PELI1: variants seen among roughly 807,000 people sequenced by gnomAD.
The protein encoded by PELI1 is pellino E3 ubiquitin protein ligase 1, also known as E3 ubiquitin-protein ligase pellino homolog 1.
Under a neutral mutation model 41.3 loss-of-function variants are expected in PELI1, and 15 were observed. The ratio of observed to expected loss-of-function variants is 0.36; its 90% confidence interval spans 0.24 to 0.56. The LOEUF (loss-of-function observed/expected upper bound fraction) is 0.56. PELI1 is among the 20% of genes least tolerant of loss of function. The pLI is 0.82. For missense variants in PELI1, 403 were observed against 525.5 expected (o/e 0.77, Z 2.28); for synonymous variants, 178 against 180.1 (o/e 0.99, Z 0.09).
rs1166247215 is a variant in PELI1 at position 64,094,710 on chromosome 2, G to A, written c.1249C>T (p.Leu417=). The change falls in exon 7 of 7, where the codon CTA becomes TTA. Residue 417 remains leucine, a synonymous_variant. Transcript: ENST00000358912. The part of the protein sequence containing the change: ...GYIRLIFQGP[L]D The stretch of plus-strand genomic sequence containing the variant: ...TGCAAGACAATGGTCTGTTAGTCTA[G>A]AGGTCCTTGAAAAATAAGTCTGATG... 1 of 1,611,540 alleles carries A rather than the reference G, an allele frequency of 6.2e-7. No individual in the cohort carries two copies. The highest frequency in any genetic ancestry group is 1.3e-5 in the African/African-American group (1 of 74,882).
chr2:64,130,506 T>C (rs1353184473), intron 1 of PELI1, among the ~76,000 whole-genome samples: 1 of 152,250 alleles, frequency 6.6e-6, no homozygotes, highest in East Asian at 1.9e-4. Context: ...ATAGTTTATC[T>C]GCAATTCTTT....
At chr2:64,132,120 A>C (rs1055630021) in intron 1 of PELI1, among the ~76,000 whole-genome samples, 2 of 152,190 alleles carry the variant, frequency 1.3e-5, no homozygotes, top group African/African-American at 4.8e-5. Flanking sequence ...CACTAGACCA[A>C]GTCAGGATGC....
intron 1 of PELI1, among the ~76,000 whole-genome samples, chr2:64,110,791 G>T (rs1680785384): frequency 6.6e-6 from 1 of 152,204 alleles, no homozygotes; most frequent in East Asian, 1.9e-4. Context: ...GCAGGGCGTG[G>T]TGGCACGTGC....
In PELI1 at chr2:64,095,237, C is replaced by A; in HGVS notation, c.722G>T (p.Gly241Val). ...TGCACCACAGAGGTCAATTAACGAG[C>A]CATCTTGTAACTGATTGGTTTCAAT... The part of the protein sequence containing the change: ...VEIETNQLQD[G>V]SLIDLCGATL... The change falls in exon 7 of 7, where the codon GGC becomes GTC. Residue 241 changes from glycine (G) to valine (V), a missense_variant. Transcript: ENST00000358912. 1 of 1,613,864 alleles carries A rather than the reference C, an allele frequency of 6.2e-7. No homozygotes were observed. The highest frequency in any genetic ancestry group is 8.5e-7 in the Non-Finnish European group (1 of 1,179,850).
chr2:64,131,434 T>C (rs547800728), intron 1 of PELI1, among the ~76,000 whole-genome samples: 22 of 152,198 alleles, frequency 1.4e-4, no homozygotes, highest in African/African-American at 4.6e-4. Flanking sequence ...CTGTACTTTT[T>C]AGTTGTATTT....
rs774199428 is a variant in PELI1, at chr2:64,095,128, T to G, written c.831A>C (p.Ala277=). The G allele has an allele frequency of 2.5e-6, 4 of 1,614,108 alleles. No individual in the cohort carries two copies. The highest frequency in any genetic ancestry group is 3.4e-6 in the Non-Finnish European group (4 of 1,180,032). ...HLEALRQEIN[A]ARPQCPVGFN... is the part of the protein sequence containing the mutation. ...ACCCTACAGGGCACTGAGGTCGTGC[T>G]GCATTGATTTCCTGTCTTAAAGCTT... Residue 277 remains alanine, a synonymous_variant, in exon 7 of 7, where the codon GCA becomes GCC. Transcript: ENST00000358912.
chr2:64,125,832 T>C (rs1681365862), intron 1 of PELI1, among the ~76,000 whole-genome samples: 1 of 152,234 alleles, frequency 6.6e-6, no homozygotes, highest in South Asian at 2.1e-4. Flanking sequence ...ACATCGTAAG[T>C]GGAAAATTCC....
rs112196857 is a variant in PELI1, at chr2:64,127,019, T to C, written c.-70+17062A>G. ...AAGTGCTGAATCAAAAAACAAAAAG[T>C]ATGACAATTATTAACTCCTCTTTAC... On this transcript the variant is annotated intron_variant, in intron 1 of 6. Transcript: ENST00000358912. Among the ~76,000 whole-genome samples the C allele has an allele frequency of 1.2e-4, 18 of 152,238 alleles. 1 individual carries two copies. Among genetic ancestry groups the C allele is most frequent in the African/African-American group, 4.3e-4 (18 of 41,552 alleles).
intron 1 of PELI1, among the ~76,000 whole-genome samples, chr2:64,115,486 A>AT (rs1423866666): frequency 1.3e-5 from 2 of 152,172 alleles, no homozygotes; most frequent in Admixed American, 6.5e-5. Context: ...AGCCCTGTGA[A>AT]TTGGGTAGGA....
chr2:64,098,907 G>A (rs1680331165), intron 4 of PELI1, among the ~76,000 whole-genome samples: 1 of 152,100 alleles, frequency 6.6e-6, no homozygotes, highest in Admixed American at 6.6e-5. Flanking sequence ...TTATGATACT[G>A]GGGAAAATTC....
intron 2 of PELI1, chr2:64,106,098 A>G (rs1680612076): frequency 6.6e-6 from 1 of 152,346 alleles, no homozygotes; most frequent in East Asian, 1.9e-4. Flanking sequence ...ACAGCCCCTT[A>G]GCTAATAATT....
chr2:64,143,732 T>G (rs1291997905), intron 1 of PELI1, among the ~76,000 whole-genome samples: 2 of 152,048 alleles, frequency 1.3e-5, no homozygotes, highest in Non-Finnish European at 2.9e-5. Context: ...CCCCTTTTGT[T>G]TCTCCCATTT....
chr2:64,138,003 C>G (rs543927955), intron 1 of PELI1, among the ~76,000 whole-genome samples: 1 of 152,132 alleles, frequency 6.6e-6, no homozygotes, highest in South Asian at 2.1e-4. Flanking sequence ...GATGGATAAC[C>G]AGCCCTACAC....
chr2:64,103,587 A>G (rs149484266), intron 3 of PELI1, among the ~76,000 whole-genome samples: 149 of 152,268 alleles, frequency 9.8e-4, no homozygotes, highest in African/African-American at 3.5e-3. Context: ...CAAAGGAGCA[A>G]AAAGAAACTG....
intron 1 of PELI1, among the ~76,000 whole-genome samples, chr2:64,110,016 G>A (rs329482): frequency 0.23 from 35,007 of 152,006 alleles, 5,241 homozygotes; most frequent in East Asian, 0.74. Context: ...AAGCGGAGGC[G>A]GGAAGATCAC....
chr2:64,131,969 A>G (rs187567777), intron 1 of PELI1, among the ~76,000 whole-genome samples: 11 of 152,328 alleles, frequency 7.2e-5, no homozygotes, highest in African/African-American at 2.6e-4. Flanking sequence ...CAGATATGGA[A>G]AGAAAACAGA....
At position 64,094,628 on chromosome 2, in the gene PELI1, G is replaced by A. The variant is rs1013935816; in HGVS notation, c.*74C>T. On this transcript the variant is annotated 3_prime_UTR_variant, in exon 7 of 7. Transcript: ENST00000358912. Reference sequence around the variant, plus strand: ...ATGACCAGAGCAGAAAAACTGTGACGTGGACAACAGGTTCGAAAACCCAAC... The same window carrying A: ...ATGACCAGAGCAGAAAAACTGTGACATGGACAACAGGTTCGAAAACCCAAC... 70 of 992,322 alleles carry A rather than the reference G, an allele frequency of 7.1e-5. No individual in the cohort carries two copies. Among genetic ancestry groups the A allele is most frequent in the African/African-American group, 1.8e-4 (11 of 61,324 alleles). 61.5% of individuals were successfully genotyped at this position (992,322 alleles called of 1,614,324 possible).
At chr2:64,115,226 A>C (rs1680953966) in intron 1 of PELI1, among the ~76,000 whole-genome samples, 1 of 152,184 alleles carries the variant, frequency 6.6e-6, no homozygotes, top group African/African-American at 2.4e-5. Context: ...AGTAGCTATA[A>C]GGCTACTGCT....
chr2:64,120,937 T>C (rs1681188096), intron 1 of PELI1, among the ~76,000 whole-genome samples: 2 of 152,352 alleles, frequency 1.3e-5, no homozygotes, highest in South Asian at 4.1e-4. Context: ...AGTAACTTAA[T>C]GCCTTGGCAC....
Sources: allele counts gnomAD v4.1 joint callset (sites outside exome capture counted in the v4.1 genomes callset), GRCh38; gene constraint gnomAD v4.1.1; transcripts MANE v1.5; gene names NCBI Gene and HGNC (gene_info 2026-07-23, HGNC 2026-07-21).